Variants in FRMD4A observed in about 807,000 individuals in gnomAD.
The protein encoded by FRMD4A is FERM domain-containing protein 4A.
In FRMD4A, 29 loss-of-function variants were observed where a neutral mutation model predicts 129.1. The ratio of observed to expected loss-of-function variants is 0.22; its 90% confidence interval spans 0.17 to 0.31. FRMD4A has a LOEUF of 0.31. Ranked by LOEUF, FRMD4A falls within the 10% of genes least tolerant of loss-of-function variation. FRMD4A has a pLI of 1.00. For missense variants in FRMD4A, 1,272 were observed against 1,375.8 expected (o/e 0.92, Z 1.19); for synonymous variants, 634 against 571.6 (o/e 1.11, Z -1.56).
intron 2 of FRMD4A, among the ~76,000 whole-genome samples, chr10:13,975,847 G>A (rs1397178241): frequency 1.3e-5 from 2 of 152,162 alleles, no homozygotes; most frequent in Non-Finnish European, 2.9e-5. Context: ...ACACTGTGAC[G>A]AAGCTGGAGC....
intron 2 of FRMD4A, chr10:14,087,551 G>C (rs371804504): frequency 7.9e-5 from 12 of 152,184 alleles, no homozygotes; most frequent in African/African-American, 2.9e-4. Flanking sequence ...CACAGAGCCA[G>C]TGTGTGCGGC....
At chr10:14,185,508 T>A (rs1256476260) in intron 2 of FRMD4A, among the ~76,000 whole-genome samples, 1 of 152,122 alleles carries the variant, frequency 6.6e-6, no homozygotes, top group Admixed American at 6.5e-5. Context: ...TTCAAGTATT[T>A]TTTGGAGGTT....
intron 2 of FRMD4A, among the ~76,000 whole-genome samples, chr10:14,043,127 C>T (rs1165494866): frequency 2.0e-5 from 3 of 151,932 alleles, no homozygotes; most frequent in Non-Finnish European, 4.4e-5. Context: ...TTTAAAGCAT[C>T]CTTTTACTTC....
intron 12 of FRMD4A, among the ~76,000 whole-genome samples, chr10:13,714,021 A>AAATATATATT (rs1225477259): frequency 6.8e-4 from 1 of 1,478 alleles, no homozygotes; most frequent in African/African-American, 1.2e-3. Context: ...ACATATATAA[A>AAATATATATT]ATATACATAT....
intron 15 of FRMD4A, among the ~76,000 whole-genome samples, chr10:13,679,474 T>TATATACAC (rs1308155926): frequency 2.9e-4 from 9 of 31,490 alleles, no homozygotes; most frequent in East Asian, 6.2e-3. Context: ...TATATATATA[T>TATATACAC]ACACACACAC....
At chr10:13,967,098 A>T (rs2095489825) in intron 2 of FRMD4A, among the ~76,000 whole-genome samples, 1 of 152,210 alleles carries the variant, frequency 6.6e-6, no homozygotes, top group South Asian at 2.1e-4. Flanking sequence ...AGCACTTCGG[A>T]GGCCGAGGCG....
At chr10:14,136,458 C>T (rs958015025) in intron 2 of FRMD4A, among the ~76,000 whole-genome samples, 3 of 152,142 alleles carry the variant, frequency 2.0e-5, no homozygotes, top group African/African-American at 7.2e-5. Context: ...GAGACAAATA[C>T]ATGTCTGATG....
Position 14,328,378 on chromosome 10 carries a change from G to A in FRMD4A, c.45+1680C>T, listed in dbSNP as rs528474946. Among the ~76,000 whole-genome samples the A allele has an allele frequency of 1.7e-4, 21 of 120,352 alleles. 1 individual carries two copies. Among genetic ancestry groups the A allele is most frequent in the Non-Finnish European group, 3.4e-4 (20 of 59,006 alleles). 79.0% of individuals were successfully genotyped at this position (120,352 alleles called of 152,430 possible). On this transcript the variant is annotated intron_variant, in intron 2 of 24. Coordinates refer to ENST00000357447, the MANE Select transcript of FRMD4A (RefSeq NM_018027.5). Reference sequence around the variant, plus strand: ...TGTGTGTGTGTGTGGGTGGGGGGGGGGGGTGTATAACAGCAGAAATGGATG... The same window carrying A: ...TGTGTGTGTGTGTGGGTGGGGGGGGAGGGTGTATAACAGCAGAAATGGATG...
intron 2 of FRMD4A, among the ~76,000 whole-genome samples, chr10:14,272,989 A>G (rs894565278): frequency 5.3e-5 from 8 of 152,116 alleles, no homozygotes; most frequent in South Asian, 4.1e-4. Flanking sequence ...CCTGAGGCAG[A>G]CGGATTGCCT....
chr10:14,115,077 A>G (rs1466533099), intron 2 of FRMD4A, among the ~76,000 whole-genome samples: 1 of 152,202 alleles, frequency 6.6e-6, no homozygotes, highest in Non-Finnish European at 1.5e-5. Context: ...TAGACCACCT[A>G]GGATATTCCA....
At chr10:14,083,671 T>C (rs1022644380) in intron 2 of FRMD4A, 1 of 152,222 alleles carries the variant, frequency 6.6e-6, no homozygotes, top group African/African-American at 2.4e-5. Context: ...CGGTTATAGC[T>C]GTGGTTAGTG....
intron 12 of FRMD4A, among the ~76,000 whole-genome samples, chr10:13,713,583 C>T (rs968118839): frequency 6.6e-6 from 1 of 151,720 alleles, no homozygotes; most frequent in African/African-American, 2.4e-5. Flanking sequence ...AGTTGTTTCA[C>T]ATCTAGAGGG....
chr10:14,148,127 G>A (rs1840167252), intron 2 of FRMD4A, among the ~76,000 whole-genome samples: 1 of 152,112 alleles, frequency 6.6e-6, no homozygotes, highest in Non-Finnish European at 1.5e-5. Flanking sequence ...ATGTCACGAG[G>A]TGTTGGAGAA....
intron 2 of FRMD4A, among the ~76,000 whole-genome samples, chr10:14,315,608 C>T (rs889780170): frequency 1.3e-5 from 2 of 152,200 alleles, no homozygotes; most frequent in Non-Finnish European, 2.9e-5. Context: ...CTAATGCTTT[C>T]CATTGTTTAC....
At chr10:14,009,110 T>A (rs1197116057) in intron 2 of FRMD4A, among the ~76,000 whole-genome samples, 3 of 152,226 alleles carry the variant, frequency 2.0e-5, no homozygotes, top group Non-Finnish European at 4.4e-5. Flanking sequence ...TGTCAATTAT[T>A]TTCTGATCAT....
intron 2 of FRMD4A, among the ~76,000 whole-genome samples, chr10:14,243,312 A>G (rs1429862079): frequency 1.3e-5 from 2 of 152,222 alleles, no homozygotes; most frequent in Non-Finnish European, 2.9e-5. Flanking sequence ...TGTTCTTGTG[A>G]TAGTGAGTTC....
intron 2 of FRMD4A, among the ~76,000 whole-genome samples, chr10:13,963,267 C>G (rs2095458493): frequency 1.1e-5 from 1 of 90,066 alleles, no homozygotes; most frequent in Admixed American, 1.8e-4. Flanking sequence ...TGGTGCAAGC[C>G]TCTTTTTTTT....
intron 15 of FRMD4A, among the ~76,000 whole-genome samples, chr10:13,689,275 G>A (rs1476793431): frequency 7.0e-6 from 1 of 143,536 alleles, no homozygotes; most frequent in Non-Finnish European, 1.5e-5. Context: ...TTGGGAGCTA[G>A]CAGAAATGTT....
chr10:14,281,329 T>A (rs550280339), intron 2 of FRMD4A, among the ~76,000 whole-genome samples: 1 of 152,158 alleles, frequency 6.6e-6, no homozygotes, highest in Non-Finnish European at 1.5e-5. Context: ...GGGCACAGAC[T>A]GGTACAGCAG....
Sources: allele counts gnomAD v4.1 joint callset (sites outside exome capture counted in the v4.1 genomes callset), GRCh38; gene constraint gnomAD v4.1.1; transcripts MANE v1.5; gene names NCBI Gene and HGNC (gene_info 2026-07-23, HGNC 2026-07-21).